TMEM213: variants seen among roughly 807,000 people sequenced by gnomAD.
TMEM213 encodes the protein transmembrane protein 213.
In TMEM213, 7 loss-of-function variants were observed where a neutral mutation model predicts 11.6. The ratio of observed to expected loss-of-function variants is 0.60; its 90% confidence interval spans 0.34 to 1.13. The LOEUF is 1.13. Ranked by LOEUF, TMEM213 falls within the 50% of genes most tolerant of loss-of-function variation. TMEM213 has a pLI of 0.03. For synonymous variants in TMEM213, 60 were observed against 58.3 expected (o/e 1.03, Z -0.13); for missense variants, 129 against 139.0 (o/e 0.93, Z 0.36).
In TMEM213 at chr7:138,802,935, C is replaced by G; in HGVS notation, c.190C>G (p.Arg64Gly). ...CTGCCCACAAGCAGCCCGGTGCTGC[C>G]GCACAGGAGTGGACGAGTACGGCTG... Reference protein sequence around the residue: ...DFCPQAARCCRTGVDEYGWIA... With the variant: ...DFCPQAARCCGTGVDEYGWIA... The change falls in exon 3 of 3, where the codon CGC becomes GGC. Residue 64 changes from arginine (R) to glycine (G), a missense_variant. Physicochemically the swap from Arg to Gly is moderately radical, Grantham distance 125. Transcript: ENST00000442682. 6.2e-7 allele frequency: 1 copy of G among 1,600,934 alleles called. No individual in the cohort carries two copies. Among genetic ancestry groups the G allele is most frequent in the Non-Finnish European group, 8.5e-7 (1 of 1,175,066 alleles).
At chr7:138,799,702 G>A (rs1808866497) in intron 1 of TMEM213, 1 of 152,162 alleles carries the variant, frequency 6.6e-6, no homozygotes, top group Non-Finnish European at 1.5e-5. Context: ...GAGTCATAAG[G>A]AAAATTAGAA....
chr7:138,800,045 A>C (rs1197829097), intron 1 of TMEM213, among the ~76,000 whole-genome samples: 1 of 151,944 alleles, frequency 6.6e-6, no homozygotes, highest in Non-Finnish European at 1.5e-5. Flanking sequence ...ACGAACAGCA[A>C]TATAATTTCT....
chr7:138,802,658 G>A (rs1254406087), intron 2 of TMEM213, among the ~76,000 whole-genome samples: 1 of 152,032 alleles, frequency 6.6e-6, no homozygotes. Flanking sequence ...CTGCCATCTT[G>A]TGATCTTGGG....
At chr7:138,800,957 C>T (rs546208630) in intron 1 of TMEM213, among the ~76,000 whole-genome samples, 1 of 152,204 alleles carries the variant, frequency 6.6e-6, no homozygotes. Flanking sequence ...CCTCGGCCTC[C>T]CAAAATGCTG....
At position 138,806,136 on chromosome 7, in the gene TMEM213, G is replaced by C. The variant is rs1809096693; in HGVS notation, c.*3067G>C. 1 of 152,188 alleles carries C rather than the reference G, an allele frequency of 6.6e-6. No individual in the cohort carries two copies. Among genetic ancestry groups the C allele is most frequent in the Non-Finnish European group, 1.5e-5 (1 of 68,034 alleles). 9.4% of individuals were successfully genotyped at this position (152,188 alleles called of 1,614,324 possible). ...TATAGTTTGATGGTTCTACTTCCCA[G>C]ATGCTACCTCTCAGATTTATTCTCA... On this transcript the variant is annotated 3_prime_UTR_variant, in exon 3 of 3. Transcript: ENST00000442682.
Position 138,803,114 on chromosome 7 carries a change from G to T in TMEM213, c.*45G>T, listed in dbSNP as rs1386937710. On this transcript the variant is annotated 3_prime_UTR_variant, in exon 3 of 3. Coordinates refer to ENST00000442682, the MANE Select transcript of TMEM213 (RefSeq NM_001085429.2). ...AAATGGTGATCGCCACCAATTTGTG[G>T]CTAATGGGGAAGGGGAGTAAGGCTA... The T allele has an allele frequency of 1.3e-6, 2 of 1,593,582 alleles. No individual in the cohort carries two copies. Among genetic ancestry groups the T allele is most frequent in the Non-Finnish European group, 1.7e-6 (2 of 1,171,550 alleles).
rs77670802 is a variant in TMEM213 at position 138,805,231 on chromosome 7, A to G, written c.*2162A>G. ...AACATAATGAGACCCTGTCTCTACA[A>G]AAAAAAAAAAAAGATTAGCCAGGCG... On this transcript the variant is annotated 3_prime_UTR_variant, in exon 3 of 3. Transcript: ENST00000442682. 8.2e-6 allele frequency: 1 copy of G among 121,948 alleles called. No homozygotes were observed. The highest frequency in any genetic ancestry group is 1.8e-5 in the Non-Finnish European group (1 of 54,600). The allele number at this position is 121,948 out of a possible 1,614,324, so 7.6% of individuals were successfully genotyped here. A position where few individuals can be genotyped will look rare whatever the true frequency, so the allele number is the denominator to read the frequency against.
Position 138,801,358 on chromosome 7 carries a change from C to A in TMEM213, c.114C>A (p.Thr38=), listed in dbSNP as rs530112772. ...EASSSNSSSL[T]AHHPDPGTLE... is the part of the protein sequence containing the mutation. ...GCAGCAGCAACAGCTCAAGCTTGAC[C>A]GCTCACCACCCAGACCCTGGGACCC... Residue 38 remains threonine, a synonymous_variant, in exon 2 of 3, where the codon ACC becomes ACA. Coordinates refer to ENST00000442682, the MANE Select transcript of TMEM213 (RefSeq NM_001085429.2). The A allele has an allele frequency of 6.2e-7, 1 of 1,611,616 alleles. No individual in the cohort carries two copies. Among genetic ancestry groups the A allele is most frequent in the African/African-American group, 1.3e-5 (1 of 75,020 alleles).
rs567380304 is a variant in TMEM213 at position 138,800,743 on chromosome 7, C to T, written c.83-584C>T. Among the ~76,000 whole-genome samples the T allele has an allele frequency of 2.1e-5, 3 of 143,152 alleles. No homozygotes were observed. In the South Asian group the frequency reaches 6.9e-4, roughly 33 times the overall value. The allele number at this position is 143,152 out of a possible 152,430, so 93.9% of individuals were successfully genotyped here. A position where few individuals can be genotyped will look rare whatever the true frequency, so the allele number is the denominator to read the frequency against. On this transcript the variant is annotated intron_variant, in intron 1 of 2. Transcript: ENST00000442682. The stretch of plus-strand genomic sequence containing the variant: ...TTTAGACGGAGTTTCACTCGTCACC[C>T]AGGCTGGAGTGCAATGGTGTGATCT...
In TMEM213 at chr7:138,803,146, T is replaced by C; in HGVS notation, c.*77T>C. 6.8e-7 allele frequency: 1 copy of C among 1,479,834 alleles called. No individual in the cohort carries two copies. Among genetic ancestry groups the C allele is most frequent in the Non-Finnish European group, 9.1e-7 (1 of 1,097,244 alleles). The allele number at this position is 1,479,834 out of a possible 1,614,324, so 91.7% of individuals were successfully genotyped here. A position where few individuals can be genotyped will look rare whatever the true frequency, so the allele number is the denominator to read the frequency against. On this transcript the variant is annotated 3_prime_UTR_variant, in exon 3 of 3. Transcript: ENST00000442682. ...GGGAAGGGGAGTAAGGCTAACATGG[T>C]TTCTATTATTTAAGTCATTTTCACC...
In TMEM213 at chr7:138,798,042, G is replaced by A. The variant is rs776897088; in HGVS notation, c.-63G>A. 3.9e-6 allele frequency: 6 copies of A among 1,556,296 alleles called. No individual in the cohort carries two copies. The highest frequency in any genetic ancestry group is 5.2e-6 in the Non-Finnish European group (6 of 1,150,032). On this transcript the variant is annotated 5_prime_UTR_variant, in exon 1 of 3. Coordinates refer to ENST00000442682, the MANE Select transcript of TMEM213 (RefSeq NM_001085429.2). ...GGTGGGAGTCGACTCACCTGCAGCA[G>A]GCACTCGGCACAACTCCGCAGGACC...
rs10954628 is a variant in TMEM213 at position 138,806,248 on chromosome 7, T to G, written c.*3179T>G. On this transcript the variant is annotated 3_prime_UTR_variant, in exon 3 of 3. Coordinates refer to ENST00000442682, the MANE Select transcript of TMEM213 (RefSeq NM_001085429.2). ...ATCTGGGCTGGATGTGGTGGCTCACTCCTGTAATTCCAGCACTTCGGGAGG... is the reference window on the plus strand; with the variant it reads ...ATCTGGGCTGGATGTGGTGGCTCACGCCTGTAATTCCAGCACTTCGGGAGG... 0.64 allele frequency: 97,339 copies of G among 152,108 alleles called. 31,450 individuals are homozygous for G. Among genetic ancestry groups the G allele is most frequent in the African/African-American group, 0.72 (29,905 of 41,496 alleles). 9.4% of individuals were successfully genotyped at this position (152,108 alleles called of 1,614,324 possible). A position where few individuals can be genotyped will look rare whatever the true frequency, so the allele number is the denominator to read the frequency against.
At chr7:138,798,910 C>T (rs1373380789) in intron 1 of TMEM213, among the ~76,000 whole-genome samples, 2 of 152,122 alleles carry the variant, frequency 1.3e-5, no homozygotes, top group African/African-American at 4.8e-5. Flanking sequence ...ACTCTCTATG[C>T]CCTGCAACAC....
At chr7:138,798,800 C>T (rs1411058611) in intron 1 of TMEM213, among the ~76,000 whole-genome samples, 1 of 152,162 alleles carries the variant, frequency 6.6e-6, no homozygotes. Flanking sequence ...CTGCCTTGCC[C>T]TGCCAGGCCG....
chr7:138,802,497 G>A (rs1438582663), intron 2 of TMEM213, among the ~76,000 whole-genome samples: 1 of 150,762 alleles, frequency 6.6e-6, no homozygotes, highest in East Asian at 2.0e-4. Flanking sequence ...GTTGCAGTGA[G>A]CTGAGATCAT....
At chr7:138,798,589 G>A (rs2130256995) in intron 1 of TMEM213, among the ~76,000 whole-genome samples, 1 of 152,236 alleles carries the variant, frequency 6.6e-6, no homozygotes, top group East Asian at 1.9e-4. Context: ...AATCCTCCCT[G>A]TGCACATTTG....
At chr7:138,802,850 G>C in intron 2 of TMEM213, 50 bp from the exon 3 acceptor site, 9 of 1,508,804 alleles carry the variant, frequency 6.0e-6, no homozygotes, top group Non-Finnish European at 7.9e-6. Flanking sequence ...GAGAAGCCTG[G>C]GCAGGGCTGG....
chr7:138,802,536 G>C (rs1349202953), intron 2 of TMEM213, among the ~76,000 whole-genome samples: 1 of 146,562 alleles, frequency 6.8e-6, no homozygotes, highest in Non-Finnish European at 1.5e-5. Context: ...GGGCAACAGA[G>C]TGAGACTCTG....
chr7:138,802,688 C>A (rs1409984060), intron 2 of TMEM213, among the ~76,000 whole-genome samples: 3 of 152,140 alleles, frequency 2.0e-5, no homozygotes, highest in Non-Finnish European at 4.4e-5. Flanking sequence ...GCCTCAGTTT[C>A]TTCATGTAAA....
Sources: allele counts gnomAD v4.1 joint callset (sites outside exome capture counted in the v4.1 genomes callset), GRCh38; gene constraint gnomAD v4.1.1; transcripts MANE v1.5; gene names NCBI Gene and HGNC (gene_info 2026-07-23, HGNC 2026-07-21).